Variants in SLC4A10 observed in about 807,000 individuals in gnomAD.
SLC4A10 encodes the protein sodium-driven chloride bicarbonate exchanger.
In SLC4A10, 42 loss-of-function variants were observed where a neutral mutation model predicts 137.7. That is an observed-to-expected ratio of 0.30 (90% confidence interval 0.24 to 0.39). SLC4A10 has a LOEUF of 0.39. Ranked by LOEUF, SLC4A10 falls within the 10% of genes least tolerant of loss-of-function variation. SLC4A10 has a pLI of 1.00. For synonymous variants in SLC4A10, 474 were observed against 464.1 expected (o/e 1.02, Z -0.27); for missense variants, 925 against 1,355.0 (o/e 0.68, Z 4.98).
chr2:161,708,711 C>T (rs1362613817), intron 1 of SLC4A10: 3 of 1,526,272 alleles, frequency 2.0e-6, no homozygotes, highest in East Asian at 4.9e-5. Flanking sequence ...GATGCTGAGA[C>T]ATAGAGATGG....
chr2:161,944,967 T>C (rs1693468923), intron 16 of SLC4A10, among the ~76,000 whole-genome samples: 1 of 151,162 alleles, frequency 6.6e-6, no homozygotes, highest in Non-Finnish European at 1.5e-5. Flanking sequence ...TGTAATGTTT[T>C]ATTGAGTTGT....
At chr2:161,955,312 G>T (rs1239569683) in intron 19 of SLC4A10, among the ~76,000 whole-genome samples, 2 of 152,184 alleles carry the variant, frequency 1.3e-5, no homozygotes, top group Non-Finnish European at 2.9e-5. Flanking sequence ...ATGATATTAT[G>T]GTCCTGGCAA....
At chr2:161,888,373 C>G (rs145279625) in intron 10 of SLC4A10, among the ~76,000 whole-genome samples, 1 of 151,170 alleles carries the variant, frequency 6.6e-6, no homozygotes, top group African/African-American at 2.4e-5. Context: ...AATCTATAAA[C>G]TACTTTGGGC....
intron 15 of SLC4A10, among the ~76,000 whole-genome samples, chr2:161,922,900 A>G (rs889905507): frequency 2.6e-5 from 4 of 152,212 alleles, no homozygotes; most frequent in African/African-American, 9.7e-5. Context: ...CAAGTCAATA[A>G]AAAGACCTGA....
Position 161,904,937 on chromosome 2 carries a change from A to T in SLC4A10, c.1751+28A>T, listed in dbSNP as rs555831766. 43 of 1,610,784 alleles carry T rather than the reference A, an allele frequency of 2.7e-5. No homozygotes were observed. The South Asian group carries it at 4.3e-4, about 16-fold the overall frequency. Reference sequence around the variant, plus strand: ...AAGTGTTATGTACTTTTTGGCCCTTAGCCTCTTCCTTTTTTCTTTACTGTA... The same window carrying T: ...AAGTGTTATGTACTTTTTGGCCCTTTGCCTCTTCCTTTTTTCTTTACTGTA... On this transcript the variant is annotated intron_variant, in intron 14 of 26. Coordinates refer to ENST00000446997, the MANE Select transcript of SLC4A10 (RefSeq NM_001178015.2).
intron 8 of SLC4A10, among the ~76,000 whole-genome samples, chr2:161,875,356 A>G (rs895725899): frequency 6.6e-6 from 1 of 151,924 alleles, no homozygotes; most frequent in African/African-American, 2.4e-5. Flanking sequence ...AGATTCCAAA[A>G]CCCCAGAATC....
intron 1 of SLC4A10, among the ~76,000 whole-genome samples, chr2:161,694,047 G>A (rs978631640): frequency 2.6e-5 from 4 of 151,962 alleles, no homozygotes; most frequent in Non-Finnish European, 5.9e-5. Flanking sequence ...AGAGACAACT[G>A]ACTTTTCCAG....
At chr2:161,765,608 C>CAAA (rs370721653) in intron 1 of SLC4A10, among the ~76,000 whole-genome samples, 17,104 of 92,700 alleles carry the variant, frequency 0.18, 1,146 homozygotes, top group East Asian at 0.21. Flanking sequence ...GAGCAAGACT[C>CAAA]AAAAAAAAAA....
chr2:161,862,812 C>T (rs2060506978), intron 5 of SLC4A10, 62 bp from the exon 6 acceptor site: 1 of 1,340,470 alleles, frequency 7.5e-7, no homozygotes, highest in Middle Eastern at 1.9e-4. Context: ...CTCAGTGGTT[C>T]ACGGCTGGCA....
chr2:161,900,201 C>T (rs532611826), intron 11 of SLC4A10, among the ~76,000 whole-genome samples: 1 of 152,062 alleles, frequency 6.6e-6, no homozygotes, highest in South Asian at 2.1e-4. Context: ...GTGGAATAGA[C>T]CATGGGAAAA....
At chr2:161,848,291 C>G (rs2059620599) in intron 4 of SLC4A10, among the ~76,000 whole-genome samples, 10 of 152,100 alleles carry the variant, frequency 6.6e-5, no homozygotes, top group Admixed American at 6.6e-4. Context: ...AAACCTTAGT[C>G]AGATGCATAG....
At chr2:161,743,032 A>G (rs906601600) in intron 1 of SLC4A10, among the ~76,000 whole-genome samples, 5 of 152,180 alleles carry the variant, frequency 3.3e-5, no homozygotes, top group African/African-American at 1.2e-4. Flanking sequence ...TGTCAGGTGG[A>G]TAGTTTGCAA....
At chr2:161,740,090 T>C (rs751421018) in intron 1 of SLC4A10, among the ~76,000 whole-genome samples, 10 of 152,324 alleles carry the variant, frequency 6.6e-5, no homozygotes, top group South Asian at 6.2e-4. Context: ...TTCAATTCTT[T>C]CATACTGCTA....
At chr2:161,884,703 C>A (rs2062095141) in intron 10 of SLC4A10, among the ~76,000 whole-genome samples, 1 of 152,086 alleles carries the variant, frequency 6.6e-6, no homozygotes, top group Non-Finnish European at 1.5e-5. Context: ...GAAACTCAAC[C>A]AGAAAGCTAC....
At chr2:161,669,387 A>G (rs564243216) in intron 1 of SLC4A10, among the ~76,000 whole-genome samples, 12 of 151,924 alleles carry the variant, frequency 7.9e-5, no homozygotes, top group African/African-American at 2.9e-4. Flanking sequence ...ACACATACAG[A>G]CGTACATATA....
intron 19 of SLC4A10, among the ~76,000 whole-genome samples, chr2:161,956,067 A>C (rs1695609208): frequency 6.6e-6 from 1 of 152,226 alleles, no homozygotes; most frequent in African/African-American, 2.4e-5. Context: ...AGTTTTATTA[A>C]GGAGCCTTGA....
At chr2:161,942,198 G>C (rs896867564) in intron 15 of SLC4A10, among the ~76,000 whole-genome samples, 1 of 152,168 alleles carries the variant, frequency 6.6e-6, no homozygotes, top group Admixed American at 6.6e-5. Flanking sequence ...TAATCTGGGA[G>C]ACCAACCACC....
At chr2:161,715,383 C>T (rs1490203244) in intron 1 of SLC4A10, among the ~76,000 whole-genome samples, 5 of 151,966 alleles carry the variant, frequency 3.3e-5, no homozygotes, top group Non-Finnish European at 7.4e-5. Flanking sequence ...GTGCAGGATA[C>T]GCAGGTCTGT....
intron 4 of SLC4A10, among the ~76,000 whole-genome samples, chr2:161,842,329 C>G (rs2059235612): frequency 6.6e-6 from 1 of 152,130 alleles, no homozygotes; most frequent in Admixed American, 6.6e-5. Flanking sequence ...ATTTCCTCCA[C>G]ATCCTTTCAC....
Sources: allele counts gnomAD v4.1 joint callset (sites outside exome capture counted in the v4.1 genomes callset), GRCh38; gene constraint gnomAD v4.1.1; transcripts MANE v1.5; gene names NCBI Gene and HGNC (gene_info 2026-07-23, HGNC 2026-07-21).